Variants in PKD1 observed in about 807,000 individuals in gnomAD.
The protein encoded by PKD1 is polycystin 1, transient receptor potential channel interacting, also known as polycystin-1.
PKD1 carries 81 observed loss-of-function variants against 361.7 expected under a neutral mutation model. That is an observed-to-expected ratio of 0.22 (90% CI 0.19 to 0.27). The LOEUF (loss-of-function observed/expected upper bound fraction) is 0.27. Among genes scored for constraint, PKD1 ranks in the 10% least tolerant of loss-of-function variants. The pLI, the probability that PKD1 is intolerant of heterozygous loss-of-function variation, is 1.00. For synonymous variants in PKD1, 3,615 were observed against 2,818.3 expected (o/e 1.28, Z -8.95); for missense variants, 6,399 against 6,118.3 (o/e 1.05, Z -1.53).
intron 1 of PKD1, among the ~76,000 whole-genome samples, chr16:2,125,467 C>CT (rs1167477596): frequency 6.6e-6 from 1 of 152,250 alleles, no homozygotes; most frequent in East Asian, 1.9e-4. Context: ...CCTCCCACGG[C>CT]TGAACTGTCC....
chr16:2,121,557 GTC>G (rs756075961), intron 1 of PKD1, among the ~76,000 whole-genome samples: 1 of 152,154 alleles, frequency 6.6e-6, no homozygotes, highest in Non-Finnish European at 1.5e-5. Context: ...GCGGCAGCAT[GTC>G]TCTCTTTTCA....
intron 30 of PKD1, chr16:2,099,304 C>T (rs1482708148): frequency 1.6e-5 from 6 of 376,008 alleles, no homozygotes; most frequent in South Asian, 1.3e-4. Flanking sequence ...AGCCTCTTCA[C>T]TTCCTATAGA....
intron 1 of PKD1, among the ~76,000 whole-genome samples, chr16:2,128,328 G>A (rs2092823322): frequency 8.3e-6 from 1 of 120,690 alleles, no homozygotes. Flanking sequence ...GGTGGGAGGG[G>A]CTGGCAGGGA....
chr16:2,097,569 G>A, intron 32 of PKD1, 66 bp from the exon 33 acceptor site: 2 of 1,604,732 alleles, frequency 1.2e-6, no homozygotes, highest in South Asian at 1.1e-5. Flanking sequence ...CCCCCGTCCA[G>A]TCACGCACGG....
chr16:2,095,931 C>T (rs1163930210), intron 34 of PKD1, among the ~76,000 whole-genome samples: 1 of 152,228 alleles, frequency 6.6e-6, no homozygotes, highest in Non-Finnish European at 1.5e-5. Context: ...TAAAACCAAC[C>T]AGCAATTTAT....
intron 33 of PKD1, 35 bp from the exon 34 acceptor site, chr16:2,097,276 G>T (rs369488802): frequency 6.2e-7 from 1 of 1,607,400 alleles, no homozygotes; most frequent in African/African-American, 1.3e-5. Flanking sequence ...GGGCCCAGCT[G>T]CAAGGGTGAG....
intron 34 of PKD1, among the ~76,000 whole-genome samples, chr16:2,095,758 G>A (rs1270280906): frequency 2.0e-5 from 3 of 152,250 alleles, no homozygotes; most frequent in African/African-American, 7.2e-5. Context: ...AGGAAGCCGG[G>A]AGGGTGAGGG....
intron 1 of PKD1, among the ~76,000 whole-genome samples, chr16:2,126,355 A>C (rs2092799981): frequency 6.6e-6 from 1 of 152,286 alleles, no homozygotes; most frequent in African/African-American, 2.4e-5. Context: ...GCCTGTCTTC[A>C]GATCATGGCG....
At position 2,094,080 on chromosome 16, in the gene PKD1, A is replaced by G. The variant is rs370190268; in HGVS notation, c.10618+12T>C. 2.5e-5 allele frequency: 40 copies of G among 1,587,232 alleles called. No individual in the cohort carries two copies. Among genetic ancestry groups the G allele is most frequent in the Non-Finnish European group, 3.3e-5 (39 of 1,164,482 alleles). On this transcript the variant is annotated intron_variant, in intron 35 of 45. Transcript: ENST00000262304. ...GAGGGGCTAGGGGCATCCCGGGGCT[A>G]CGCAAGCACACCTGTCCTGGACAGC...
intron 1 of PKD1, among the ~76,000 whole-genome samples, chr16:2,123,253 C>T (rs1021259203): frequency 1.3e-5 from 2 of 152,112 alleles, no homozygotes; most frequent in African/African-American, 4.8e-5. Context: ...TTGGGGACCC[C>T]GCTCGGCCGA....
intron 1 of PKD1, chr16:2,135,107 C>T (rs1596635728): frequency 4.8e-5 from 47 of 980,606 alleles, no homozygotes; most frequent in Non-Finnish European, 5.6e-5. Flanking sequence ...GGAACTCTTC[C>T]CTGCCGCCCC....
At position 2,103,801 on chromosome 16, in the gene PKD1, G is replaced by C. The variant is rs768841165; in HGVS notation, c.8256C>G (p.Ala2752=). 1 of 1,609,486 alleles carries C rather than the reference G, an allele frequency of 6.2e-7. No homozygotes were observed. Among genetic ancestry groups the C allele is most frequent in the Non-Finnish European group, 8.5e-7 (1 of 1,179,496 alleles). ...ESPSRMVASQ[A]YNLTSALMRI... is the part of the protein sequence containing the mutation. ...GCATGAGGGCAGAGGTCAGGTTGTAGGCCTGGGACGCCACCATCCGAGATG... is the reference window on the plus strand; with the variant it reads ...GCATGAGGGCAGAGGTCAGGTTGTACGCCTGGGACGCCACCATCCGAGATG... The change falls in exon 23 of 46, where the codon GCC becomes GCG. Residue 2752 remains alanine, a synonymous_variant. Transcript: ENST00000262304.
intron 30 of PKD1, chr16:2,099,147 T>C (rs2091979691): frequency 3.1e-6 from 1 of 323,142 alleles, no homozygotes; most frequent in Non-Finnish European, 6.0e-6. Context: ...TAATGTTTTA[T>C]ATAGATGGGG....
In PKD1 at chr16:2,118,521, C is replaced by T; in HGVS notation, c.530-59G>A. Reference sequence around the variant, plus strand: ...CTCCTCCTGGCTCCACCCCACGCCCCCACATCCGCCCGCCGCACTCACAGG... The same window carrying T: ...CTCCTCCTGGCTCCACCCCACGCCCTCACATCCGCCCGCCGCACTCACAGG... On this transcript the variant is annotated intron_variant, in intron 4 of 45. Coordinates refer to ENST00000262304, the MANE Select transcript of PKD1 (RefSeq NM_001009944.3). This position sits in a 1 kb window ranked among gnomAD's most constrained non-coding sequence, Gnocchi z 6.0. 3.5e-6 allele frequency: 5 copies of T among 1,412,260 alleles called. No individual in the cohort carries two copies. Among genetic ancestry groups the T allele is most frequent in the Non-Finnish European group, 2.9e-6 (3 of 1,035,174 alleles). The allele number at this position is 1,412,260 out of a possible 1,614,324, so 87.5% of individuals were successfully genotyped here. A position where few individuals can be genotyped will look rare whatever the true frequency, so the allele number is the denominator to read the frequency against.
Position 2,117,576 on chromosome 16 carries a change from T to A in PKD1, c.1298A>T (p.Gln433Leu). Residue 433 changes from glutamine (Q) to leucine (L), a missense_variant, in exon 6 of 46, where the codon CAG becomes CTG. Coordinates refer to ENST00000262304, the MANE Select transcript of PKD1 (RefSeq NM_001009944.3). ...VVEKAAWLQAQEQCQAWAGAA... is the reference protein window; with the variant it reads ...VVEKAAWLQALEQCQAWAGAA... ...CCCGGCCCAGGCCTGACACTGCTCC[T>A]GCGCCTGCAGCCAGGCCGCCTTCTC... is the stretch of plus-strand genomic sequence containing the variant. The A allele has an allele frequency of 2.5e-6, 4 of 1,607,976 alleles. No individual in the cohort carries two copies. Among genetic ancestry groups the A allele is most frequent in the Non-Finnish European group, 3.4e-6 (4 of 1,178,414 alleles).
At position 2,107,368 on chromosome 16, in the gene PKD1, C is replaced by T. The variant is rs374635152; in HGVS notation, c.7066-420G>A. On this transcript the variant is annotated intron_variant, in intron 16 of 45. Coordinates refer to ENST00000262304, the MANE Select transcript of PKD1 (RefSeq NM_001009944.3). ...CTGGGATGGAACCTGCTCCCACACC[C>T]TCCCCTCAGACGACCCCTCTGGGAA... is the stretch of plus-strand genomic sequence containing the variant. 26 of 368,948 alleles carry T rather than the reference C, an allele frequency of 7.0e-5. No individual in the cohort carries two copies. The East Asian group carries it at 8.8e-4, about 12-fold the overall frequency. 22.9% of individuals were successfully genotyped at this position (368,948 alleles called of 1,614,324 possible).
intron 44 of PKD1, 25 bp from the exon 45 acceptor site, chr16:2,090,615 G>C (rs368784157): frequency 8.1e-6 from 13 of 1,608,732 alleles, no homozygotes; most frequent in Middle Eastern, 1.6e-4. Flanking sequence ...ACACCAGTGA[G>C]GGCGTACAGC....
Position 2,114,744 on chromosome 16 carries a change from C to T in PKD1, c.2279G>A (p.Gly760Asp), listed in dbSNP as rs759750588. 1.3e-6 allele frequency: 2 copies of T among 1,502,064 alleles called. No homozygotes were observed. Among genetic ancestry groups the T allele is most frequent in the South Asian group, 2.4e-5 (2 of 83,290 alleles). 93.0% of individuals were successfully genotyped at this position (1,502,064 alleles called of 1,614,324 possible). A position where few individuals can be genotyped will look rare whatever the true frequency, so the allele number is the denominator to read the frequency against. Residue 760 changes from glycine (G) to aspartate (D), a missense_variant, in exon 11 of 46, where the codon GGC becomes GAC. Coordinates refer to ENST00000262304, the MANE Select transcript of PKD1 (RefSeq NM_001009944.3). ...GGCACAGGCAGGGCAGGCCCAAGTG[C>T]CCTCCAGCTGGGCTGGCAAGTGGGG... ...WLPHLPAQLE[G>D]TWACPACALR... is the part of the protein sequence containing the mutation.
At chr16:2,115,718 G>C (rs185654193) in intron 9 of PKD1, 93 bp from the exon 10 acceptor site, 1 of 1,244,920 alleles carries the variant, frequency 8.0e-7, no homozygotes, top group Non-Finnish European at 1.1e-6. Context: ...TGGCCTTGCT[G>C]TGAGGACAGG....
Sources: allele counts gnomAD v4.1 joint callset (sites outside exome capture counted in the v4.1 genomes callset), GRCh38; gene constraint gnomAD v4.1.1; non-coding constraint Gnocchi (gnomAD v3.1); transcripts MANE v1.5; gene names NCBI Gene and HGNC (gene_info 2026-07-23, HGNC 2026-07-21).